Variants in TMEM71 observed in about 807,000 individuals in gnomAD.
TMEM71 encodes the protein transmembrane protein 71.
In TMEM71, 44 loss-of-function variants were observed where a neutral mutation model predicts 38.0. The ratio of observed to expected loss-of-function variants is 1.16; its 90% CI spans 0.91 to 1.49. The LOEUF is 1.49. TMEM71 is among the 40% of genes most tolerant of loss of function. The pLI is 0.00. For missense variants in TMEM71, 367 were observed against 348.6 expected (o/e 1.05, Z -0.42); for synonymous variants, 133 against 122.5 (o/e 1.09, Z -0.56).
At chr8:132,744,729 C>T (rs953967541) in intron 5 of TMEM71, among the ~76,000 whole-genome samples, 1 of 152,156 alleles carries the variant, frequency 6.6e-6, no homozygotes, top group Non-Finnish European at 1.5e-5. Flanking sequence ...CAAAGCAATT[C>T]TAAGCAAAAA....
At chr8:132,726,268 AC>A (rs1827135883) in intron 6 of TMEM71, among the ~76,000 whole-genome samples, 1 of 151,948 alleles carries the variant, frequency 6.6e-6, no homozygotes, top group Admixed American at 6.6e-5. Flanking sequence ...CCAAACCAAA[AC>A]AAAAAAAACC....
chr8:132,708,265 G>T (rs2130982052), downstream of TMEM71, among the ~76,000 whole-genome samples: 1 of 152,280 alleles, frequency 6.6e-6, no homozygotes, highest in Middle Eastern at 3.4e-3. Context: ...CACATCACTA[G>T]TCAGGTCCTG....
intron 4 of TMEM71, among the ~76,000 whole-genome samples, chr8:132,748,482 G>A (rs1828515069): frequency 6.6e-6 from 1 of 152,198 alleles, no homozygotes; most frequent in South Asian, 2.1e-4. Context: ...TAGTGCTACT[G>A]TTGAGAAAAT....
At chr8:132,735,298 C>T (rs1312978238) in intron 5 of TMEM71, among the ~76,000 whole-genome samples, 3 of 152,198 alleles carry the variant, frequency 2.0e-5, no homozygotes, top group African/African-American at 7.2e-5. Flanking sequence ...AAAACATCCT[C>T]TTGCCTGAAA....
At position 132,757,231 on chromosome 8, in the gene TMEM71, T is replaced by A. The variant is rs1829075010; in HGVS notation, c.101+3A>T. ...TTTTTTTAAAAGAAGCCCCATAGTATACCTTGGGAAAATGCACGTGGGAGA... is the reference window on the plus strand; with the variant it reads ...TTTTTTTAAAAGAAGCCCCATAGTAAACCTTGGGAAAATGCACGTGGGAGA... On this transcript the variant is annotated splice_donor_region_variant and intron_variant, in intron 3 of 9. Coordinates refer to ENST00000677595, the MANE Select transcript of TMEM71 (RefSeq NM_001382403.1). The A allele has an allele frequency of 1.2e-6, 2 of 1,605,984 alleles. No homozygotes were observed. Among genetic ancestry groups the A allele is most frequent in the Middle Eastern group, 3.3e-4 (2 of 6,018 alleles).
At position 132,714,002 on chromosome 8, in the gene TMEM71, A is replaced by C. The variant is rs991981174; in HGVS notation, c.865T>G (p.Cys289Gly). The C allele has an allele frequency of 1.9e-6, 3 of 1,613,858 alleles. No homozygotes were observed. Among genetic ancestry groups the C allele is most frequent in the Middle Eastern group, 1.6e-4 (1 of 6,062 alleles). Reference protein sequence around the residue: ...SLASYFKTTACARFVKI With the variant: ...SLASYFKTTAGARFVKI ...GACACAGGCAACACTTACCGAGCACAGGCAGTGGTTTTGAAATAGCTGGCA... is the reference window on the plus strand; with the variant it reads ...GACACAGGCAACACTTACCGAGCACCGGCAGTGGTTTTGAAATAGCTGGCA... The change falls in exon 9 of 10, where the codon TGT becomes GGT. Residue 289 changes from cysteine to glycine, a missense_variant. Transcript: ENST00000677595.
In TMEM71 at chr8:132,711,134, G is replaced by A. The variant is rs537976588; in HGVS notation, c.873-152C>T. The A allele has an allele frequency of 1.3e-4, 88 of 697,700 alleles. No homozygotes were observed. In the African/African-American group the frequency reaches 1.5e-3, roughly 12 times the overall value. 43.2% of individuals were successfully genotyped at this position (697,700 alleles called of 1,614,324 possible). A position where few individuals can be genotyped will look rare whatever the true frequency, so the allele number is the denominator to read the frequency against. The stretch of plus-strand genomic sequence containing the variant: ...CTGAATTATCACAACTAGGAAGAGT[G>A]CAGCCTCAACTAAGGGTACTTTTCG... On this transcript the variant is annotated intron_variant, in intron 9 of 9. Transcript: ENST00000677595.
At chr8:132,767,923 G>A in the TMEM71 span, among the ~76,000 whole-genome samples, 7 of 152,196 alleles carry the variant, frequency 4.6e-5, no homozygotes, top group African/African-American at 1.2e-4. Context: ...TTATGTTGGC[G>A]GTATGAGTTG....
upstream of TMEM71, among the ~76,000 whole-genome samples, chr8:132,764,654 T>A (rs1829341627): frequency 1.3e-5 from 2 of 152,196 alleles, no homozygotes; most frequent in African/African-American, 2.4e-5. Flanking sequence ...AATGTGCTAT[T>A]TTCTTCATCT....
At chr8:132,761,440 T>C (rs1005284536), upstream of TMEM71, among the ~76,000 whole-genome samples, 3 of 152,244 alleles carry the variant, frequency 2.0e-5, no homozygotes, top group Non-Finnish European at 1.5e-5. Flanking sequence ...GCAAGGTGTA[T>C]TCTTTATTTG....
At chr8:132,756,087 C>A (rs969538597) in intron 3 of TMEM71, among the ~76,000 whole-genome samples, 1 of 151,806 alleles carries the variant, frequency 6.6e-6, no homozygotes, top group Non-Finnish European at 1.5e-5. Context: ...TCTGTTTATG[C>A]TATAGGCACA....
chr8:132,721,942 A>T, intron 7 of TMEM71, 98 bp downstream of exon 7: 1 of 1,020,104 alleles, frequency 9.8e-7, no homozygotes, highest in Non-Finnish European at 1.6e-6. Context: ...CCACAGAGCT[A>T]CCTAAAATGT....
intron 7 of TMEM71, among the ~76,000 whole-genome samples, chr8:132,719,558 T>A (rs780026976): frequency 2.1e-4 from 32 of 152,254 alleles, no homozygotes; most frequent in Non-Finnish European, 4.0e-4. Context: ...CCAAGCATTC[T>A]GTATGAGGCA....
chr8:132,750,292 A>G (rs879291661), intron 4 of TMEM71, among the ~76,000 whole-genome samples: 4 of 152,308 alleles, frequency 2.6e-5, no homozygotes, highest in Admixed American at 2.0e-4. Flanking sequence ...AGATGCCTGT[A>G]GGAAATCCCT....
At chr8:132,724,152 G>T (rs1249221974) in intron 6 of TMEM71, among the ~76,000 whole-genome samples, 4 of 152,086 alleles carry the variant, frequency 2.6e-5, no homozygotes, top group Non-Finnish European at 4.4e-5. Flanking sequence ...TCCCAATAAG[G>T]GACTATGTTC....
At chr8:132,743,809 A>T (rs762496885) in intron 5 of TMEM71, among the ~76,000 whole-genome samples, 19 of 152,126 alleles carry the variant, frequency 1.2e-4, no homozygotes, top group Non-Finnish European at 2.2e-4. Flanking sequence ...CTGTGTTTCA[A>T]ACCATGCATG....
chr8:132,742,524 G>A (rs926712812), intron 5 of TMEM71, among the ~76,000 whole-genome samples: 11 of 152,150 alleles, frequency 7.2e-5, no homozygotes, highest in African/African-American at 2.7e-4. Context: ...CTCTCATGCT[G>A]TTTCAGGCAT....
the TMEM71 span, among the ~76,000 whole-genome samples, chr8:132,773,943 A>C: frequency 1.3e-5 from 2 of 152,132 alleles, no homozygotes; most frequent in Non-Finnish European, 2.9e-5. Context: ...CTTATACAAC[A>C]CAGTAGTTGT....
At chr8:132,772,974 T>C in the TMEM71 span, among the ~76,000 whole-genome samples, 1 of 152,202 alleles carries the variant, frequency 6.6e-6, no homozygotes, top group Admixed American at 6.5e-5. Context: ...CAGTGTTTCC[T>C]TACATTACAC....
Sources: gnomAD v4.1 joint callset for allele counts (sites outside exome capture counted in the v4.1 genomes callset) on GRCh38, gnomAD v4.1.1 for gene constraint, MANE v1.5 for transcripts, NCBI Gene and HGNC (gene_info 2026-07-23, HGNC 2026-07-21) for gene names.